NAALADL2: variants seen among roughly 807,000 people sequenced by gnomAD.
NAALADL2 encodes the protein inactive N-acetylated-alpha-linked acidic dipeptidase-like protein 2.
NAALADL2 carries 76 observed loss-of-function variants against 87.2 expected under a neutral mutation model. That is an observed-to-expected ratio of 0.87 (90% CI 0.72 to 1.05). NAALADL2 has a LOEUF of 1.05. NAALADL2 is among the 50% of genes least tolerant of loss of function. The probability of loss-of-function intolerance (pLI) is 0.00; values close to 1 mark genes in which losing one functional copy is unlikely to be tolerated. For synonymous variants in NAALADL2, 354 were observed against 331.0 expected, an observed-to-expected ratio of 1.07 and a Z score of -0.75; for missense variants, 1,089 against 945.8, an observed-to-expected ratio of 1.15 and a Z score of -1.99.
rs569272829 is a variant in NAALADL2 at position 175,666,082 on chromosome 3, T to C, written c.1896+38696T>C. On this transcript the variant is annotated intron_variant, in intron 11 of 13. Coordinates refer to ENST00000454872, the MANE Select transcript of NAALADL2 (RefSeq NM_207015.3). The stretch of plus-strand genomic sequence containing the variant: ...CTTATTCAGTCACAAAACTGGCTCA[T>C]GAAAATTCCAAGAATAGAATCTAGA... Among the ~76,000 whole-genome samples the C allele has an allele frequency of 6.4e-4, 97 of 152,306 alleles. 1 individual carries two copies. The highest frequency in any genetic ancestry group is 1.1e-3 in the Non-Finnish European group (78 of 68,004).
At chr3:174,678,143 G>GT (rs2108818711) in intron 2 of NAALADL2, among the ~76,000 whole-genome samples, 1 of 152,238 alleles carries the variant, frequency 6.6e-6, no homozygotes, top group East Asian at 1.9e-4. Context: ...AGGATCAATT[G>GT]TATGTCTCTT....
At chr3:175,226,317 A>G (rs1360508921) in intron 2 of NAALADL2, among the ~76,000 whole-genome samples, 1 of 152,250 alleles carries the variant, frequency 6.6e-6, no homozygotes, top group African/African-American at 2.4e-5. Flanking sequence ...TATTTTTTAC[A>G]TTGCTACATT....
chr3:174,800,759 C>T (rs1181807620), intron 3 of NAALADL2, among the ~76,000 whole-genome samples: 3 of 152,190 alleles, frequency 2.0e-5, no homozygotes, highest in Admixed American at 6.5e-5. Flanking sequence ...GGAGCTATAC[C>T]CTGCAAAGCC....
chr3:174,869,568 C>G (rs987557639), intron 1 of NAALADL2, among the ~76,000 whole-genome samples: 1 of 152,082 alleles, frequency 6.6e-6, no homozygotes, highest in Non-Finnish European at 1.5e-5. Flanking sequence ...TGGAGCTCTT[C>G]CCAGCTGGAT....
intron 10 of NAALADL2, among the ~76,000 whole-genome samples, chr3:175,583,081 A>G (rs1480850417): frequency 6.6e-6 from 1 of 152,166 alleles, no homozygotes; most frequent in African/African-American, 2.4e-5. Flanking sequence ...AACCTAACCT[A>G]CCAAACATGT....
chr3:175,735,132 G>C (rs2862309), intron 11 of NAALADL2, among the ~76,000 whole-genome samples: 40,709 of 151,990 alleles, frequency 0.27, 6,076 homozygotes, highest in African/African-American at 0.4. Flanking sequence ...TTCAAAGTTC[G>C]ACAAATCTCT....
intron 8 of NAALADL2, among the ~76,000 whole-genome samples, chr3:175,468,152 AG>A (rs2149282956): frequency 7.3e-6 from 1 of 137,390 alleles, no homozygotes; most frequent in Admixed American, 6.8e-5. Context: ...GGTATAGAAA[AG>A]AAGATAGCAA....
chr3:175,102,791 G>A (rs1174413180), intron 2 of NAALADL2, among the ~76,000 whole-genome samples: 1 of 152,034 alleles, frequency 6.6e-6, no homozygotes, highest in Non-Finnish European at 1.5e-5. Context: ...TTAGCTGAGG[G>A]TTAACTCTTC....
At chr3:175,052,752 A>G (rs1310696188) in intron 1 of NAALADL2, among the ~76,000 whole-genome samples, 2 of 152,128 alleles carry the variant, frequency 1.3e-5, no homozygotes, top group African/African-American at 4.8e-5. Flanking sequence ...CCAAATTTTG[A>G]TCTTATTAAG....
intron 1 of NAALADL2, among the ~76,000 whole-genome samples, chr3:174,872,721 TACACACACAC>T (rs1170042489): frequency 6.9e-6 from 1 of 145,234 alleles, no homozygotes; most frequent in Non-Finnish European, 1.5e-5. Flanking sequence ...TGTATTCATC[TACACACACAC>T]ATACACACAC....
At chr3:175,493,590 C>T (rs1258604672) in intron 9 of NAALADL2, among the ~76,000 whole-genome samples, 1 of 152,090 alleles carries the variant, frequency 6.6e-6, no homozygotes, top group Admixed American at 6.6e-5. Flanking sequence ...TGACATTATG[C>T]CTGTGAAAAC....
chr3:175,354,846 T>A (rs1050592653), intron 5 of NAALADL2, among the ~76,000 whole-genome samples: 1 of 150,184 alleles, frequency 6.7e-6, no homozygotes, highest in African/African-American at 2.5e-5. Flanking sequence ...TGCAATTGAC[T>A]TATAGGGCAC....
intron 11 of NAALADL2, among the ~76,000 whole-genome samples, chr3:175,651,083 A>G (rs1411758036): frequency 6.6e-6 from 1 of 152,182 alleles, no homozygotes; most frequent in Non-Finnish European, 1.5e-5. Flanking sequence ...GCTTATGAGT[A>G]TTAAAAGTGT....
chr3:175,350,055 GA>G (rs138836041), intron 5 of NAALADL2, among the ~76,000 whole-genome samples: 14,849 of 142,374 alleles, frequency 0.1, 875 homozygotes, highest in South Asian at 0.14. Context: ...AGGCTTGATT[GA>G]AAAAAAAAAA....
At chr3:174,798,746 C>A (rs891906998) in intron 3 of NAALADL2, among the ~76,000 whole-genome samples, 1 of 151,862 alleles carries the variant, frequency 6.6e-6, no homozygotes, top group South Asian at 2.1e-4. Context: ...GAAATATAAT[C>A]AATTTTTTAT....
intron 2 of NAALADL2, among the ~76,000 whole-genome samples, chr3:175,102,495 G>A (rs565026554): frequency 6.6e-6 from 1 of 152,126 alleles, no homozygotes; most frequent in African/African-American, 2.4e-5. Context: ...CTTTCCCATG[G>A]TATTTAAAGG....
intron 3 of NAALADL2, among the ~76,000 whole-genome samples, chr3:174,797,875 T>C (rs2109235013): frequency 6.6e-6 from 1 of 152,364 alleles, no homozygotes; most frequent in African/African-American, 2.4e-5. Context: ...AATTTTGAAA[T>C]AGTCTATTTT....
At chr3:174,800,495 G>A (rs910717507) in intron 3 of NAALADL2, among the ~76,000 whole-genome samples, 2 of 152,176 alleles carry the variant, frequency 1.3e-5, no homozygotes, top group African/African-American at 4.8e-5. Context: ...GGTAATGCTT[G>A]GATGCCCAGG....
chr3:175,682,119 C>T (rs1372761740), intron 11 of NAALADL2, among the ~76,000 whole-genome samples: 3 of 151,776 alleles, frequency 2.0e-5, no homozygotes, highest in East Asian at 3.9e-4. Flanking sequence ...GGAGACACTA[C>T]AAAGAGAGAG....
Sources: gnomAD v4.1 joint callset for allele counts (sites outside exome capture counted in the v4.1 genomes callset) on GRCh38, gnomAD v4.1.1 for gene constraint, MANE v1.5 for transcripts, NCBI Gene and HGNC (gene_info 2026-07-23, HGNC 2026-07-21) for gene names.